The following TMEM132D variants were observed in gnomAD, a reference collection of about 807,000 sequenced individuals.
TMEM132D encodes the protein transmembrane protein 132D.
Under a neutral mutation model 62.3 loss-of-function variants are expected in TMEM132D, and 21 were observed. The ratio of observed to expected loss-of-function variants is 0.34; its 90% CI spans 0.24 to 0.49. The LOEUF is 0.49. Among genes scored for constraint, TMEM132D ranks in the 20% least tolerant of loss-of-function variants. The probability of loss-of-function intolerance (pLI) is 0.99; values close to 1 mark genes in which losing one functional copy is unlikely to be tolerated. For synonymous variants in TMEM132D, 621 were observed against 575.6 expected (o/e 1.08, Z -1.13); for missense variants, 1,346 against 1,402.8 (o/e 0.96, Z 0.65).
chr12:129,111,096 GA>G (rs1327520910), intron 5 of TMEM132D: 1 of 152,296 alleles, frequency 6.6e-6, no homozygotes, highest in African/African-American at 2.4e-5. Flanking sequence ...CTCGGAGGGA[GA>G]CCTTCAGGAA....
chr12:129,232,408 G>C (rs1879667350), intron 4 of TMEM132D, among the ~76,000 whole-genome samples: 1 of 152,198 alleles, frequency 6.6e-6, no homozygotes, highest in African/African-American at 2.4e-5. Context: ...GTGCCATAAA[G>C]TAAACACAGA....
chr12:129,737,617 T>G (rs1869469929), intron 1 of TMEM132D, among the ~76,000 whole-genome samples: 1 of 152,138 alleles, frequency 6.6e-6, no homozygotes, highest in Non-Finnish European at 1.5e-5. Context: ...TCAGCTGATG[T>G]TGTCCTTTTC....
At chr12:129,731,051 C>T (rs2137251997) in intron 1 of TMEM132D, among the ~76,000 whole-genome samples, 1 of 152,236 alleles carries the variant, frequency 6.6e-6, no homozygotes, top group East Asian at 1.9e-4. Flanking sequence ...GGTTCTGTCC[C>T]TCTAGAGAAC....
Position 129,615,795 on chromosome 12 carries a change from C to CAAAACAAAATAAAATAAAAT in TMEM132D, c.968+84014_968+84015insATTTTATTTTATTTTGTTTT, listed in dbSNP as rs398044871. Among the ~76,000 whole-genome samples the CAAAACAAAATAAAATAAAAT allele has an allele frequency of 3.7e-4, 51 of 139,120 alleles. No homozygotes were observed. The Middle Eastern group carries it at 0.014, about 39-fold the overall frequency. 91.3% of individuals were successfully genotyped at this position (139,120 alleles called of 152,430 possible). A position where few individuals can be genotyped will look rare whatever the true frequency, so the allele number is the denominator to read the frequency against. On this transcript the variant is annotated intron_variant, in intron 2 of 8. Coordinates refer to ENST00000422113, the MANE Select transcript of TMEM132D (RefSeq NM_133448.3). ...ATAATTAAAACAAAACAAAACAAAA[C>CAAAACAAAATAAAATAAAAT]AAAATAAAATAAAATAAAATAAAAT... is the stretch of plus-strand genomic sequence containing the variant.
intron 5 of TMEM132D, chr12:129,170,071 T>A (rs1376843358): frequency 6.6e-6 from 1 of 152,248 alleles, no homozygotes; most frequent in Non-Finnish European, 1.5e-5. Flanking sequence ...AGGGCTTAAT[T>A]GGGTCCAGGC....
intron 5 of TMEM132D, among the ~76,000 whole-genome samples, chr12:129,199,926 C>A (rs1486661605): frequency 6.6e-6 from 1 of 152,138 alleles, no homozygotes; most frequent in African/African-American, 2.4e-5. Flanking sequence ...ACAGCCAAAC[C>A]ATATCAACTC....
chr12:129,879,366 G>T (rs1874524615), intron 1 of TMEM132D, among the ~76,000 whole-genome samples: 1 of 152,228 alleles, frequency 6.6e-6, no homozygotes, highest in African/African-American at 2.4e-5. Context: ...TGTGTAAGAT[G>T]CAGAGAACTG....
intron 3 of TMEM132D, among the ~76,000 whole-genome samples, chr12:129,446,571 T>C (rs1301715138): frequency 6.6e-6 from 1 of 152,222 alleles, no homozygotes; most frequent in Non-Finnish European, 1.5e-5. Flanking sequence ...GTCCATTTTG[T>C]CCCGTTAACA....
chr12:129,383,716 G>A (rs1358782644), intron 3 of TMEM132D, among the ~76,000 whole-genome samples: 1 of 152,204 alleles, frequency 6.6e-6, no homozygotes, highest in Non-Finnish European at 1.5e-5. Flanking sequence ...TGGGATTATA[G>A]GTGTGAGCCA....
intron 5 of TMEM132D, among the ~76,000 whole-genome samples, chr12:129,192,741 C>T (rs1262686790): frequency 1.3e-5 from 2 of 152,132 alleles, no homozygotes; most frequent in South Asian, 2.1e-4. Context: ...TGAATTACAG[C>T]GGGTGTGTTG....
At chr12:129,834,873 C>T (rs956923305) in intron 1 of TMEM132D, among the ~76,000 whole-genome samples, 4 of 152,140 alleles carry the variant, frequency 2.6e-5, no homozygotes, top group African/African-American at 9.7e-5. Context: ...AACCTATGAG[C>T]TTTTTGGTAT....
chr12:129,235,794 C>A (rs574761789), intron 4 of TMEM132D, among the ~76,000 whole-genome samples: 5 of 152,050 alleles, frequency 3.3e-5, no homozygotes, highest in Admixed American at 3.3e-4. Context: ...TGGCTTTCTT[C>A]TTTTTTGCTC....
At chr12:129,186,916 A>G (rs1341733994) in intron 5 of TMEM132D, among the ~76,000 whole-genome samples, 2 of 152,240 alleles carry the variant, frequency 1.3e-5, no homozygotes, top group East Asian at 3.8e-4. Context: ...TAGACACACT[A>G]TTTTTGCATA....
At chr12:129,308,194 T>C (rs1157695950) in intron 4 of TMEM132D, among the ~76,000 whole-genome samples, 1 of 152,226 alleles carries the variant, frequency 6.6e-6, no homozygotes, top group African/African-American at 2.4e-5. Flanking sequence ...AATATTGTTA[T>C]ATGTTAAAGC....
chr12:129,567,762 A>G (rs940301414), intron 2 of TMEM132D, among the ~76,000 whole-genome samples: 5 of 152,082 alleles, frequency 3.3e-5, no homozygotes, highest in African/African-American at 1.2e-4. Flanking sequence ...ATAAATATAT[A>G]TTTTTTAATT....
chr12:129,086,812 C>T (rs73159553), intron 5 of TMEM132D, among the ~76,000 whole-genome samples: 2,041 of 151,128 alleles, frequency 0.014, 13 homozygotes, highest in Non-Finnish European at 0.022. Flanking sequence ...GAAAAGGTAA[C>T]GTGTGTATAA....
intron 1 of TMEM132D, among the ~76,000 whole-genome samples, chr12:129,818,686 G>A (rs149820718): frequency 1.1e-4 from 16 of 151,860 alleles, no homozygotes; most frequent in African/African-American, 2.7e-4. Flanking sequence ...TTTAACGGCC[G>A]TATCAGTGGG....
In TMEM132D at chr12:129,085,380, T is replaced by C. The variant is rs1874585092; in HGVS notation, c.1444-678A>G. ...GGCTCGACGAGGCACAGGGGTGGAT[T>C]CTGAGGCCTGTCCTGCAGAATTCCC... On this transcript the variant is annotated intron_variant, in intron 5 of 8. Coordinates refer to ENST00000422113, the MANE Select transcript of TMEM132D (RefSeq NM_133448.3). 2.0e-5 allele frequency: 3 copies of C among 152,202 alleles called. No individual in the cohort carries two copies. In the South Asian group the frequency reaches 6.2e-4, roughly 32 times the overall value. The allele number at this position is 152,202 out of a possible 1,614,324, so 9.4% of individuals were successfully genotyped here.
intron 4 of TMEM132D, among the ~76,000 whole-genome samples, chr12:129,213,483 C>T (rs1001139537): frequency 2.0e-5 from 3 of 150,560 alleles, no homozygotes; most frequent in Non-Finnish European, 4.4e-5. Context: ...GGCAACAGAG[C>T]GAGGCCTTCT....
Sources: allele counts gnomAD v4.1 joint callset (sites outside exome capture counted in the v4.1 genomes callset), GRCh38; gene constraint gnomAD v4.1.1; transcripts MANE v1.5; gene names NCBI Gene and HGNC (gene_info 2026-07-23, HGNC 2026-07-21).